The following KIF11 variants were observed in gnomAD, a reference collection of about 807,000 sequenced individuals.
KIF11 encodes kinesin-like protein KIF11.
A neutral mutation model predicts 121.0 loss-of-function variants in KIF11; 9 were observed. The observed-to-expected ratio is 0.07, with a 90% CI of 0.04 to 0.13. The LOEUF is 0.13. Ranked by LOEUF, KIF11 falls within the 10% of genes least tolerant of loss-of-function variation. KIF11 has a pLI of 1.00. For missense variants in KIF11, 846 were observed against 1,217.5 expected (o/e 0.69, Z 4.54); for synonymous variants, 408 against 421.0 (o/e 0.97, Z 0.38).
In KIF11 at chr10:92,655,281, A is replaced by G. The variant is rs904680963; in HGVS notation, c.*1485A>G. The G allele has an allele frequency of 6.6e-6, 1 of 152,252 alleles. No homozygotes were observed. The highest frequency in any genetic ancestry group is 6.5e-5 in the Admixed American group (1 of 15,286). 9.4% of individuals were successfully genotyped at this position (152,252 alleles called of 1,614,324 possible). On this transcript the variant is annotated 3_prime_UTR_variant, in exon 22 of 22. Transcript: ENST00000260731. ...AAATTGATCTCGTAGAATTATCTTAATAAAATAATGGCTATAATTTCTCTG... is the reference window on the plus strand; with the variant it reads ...AAATTGATCTCGTAGAATTATCTTAGTAAAATAATGGCTATAATTTCTCTG...
intron 19 of KIF11, 132 bp from the exon 20 acceptor site, chr10:92,649,703 A>G: frequency 3.3e-6 from 2 of 597,086 alleles, no homozygotes; most frequent in East Asian, 5.6e-5. Flanking sequence ...AGGTAGCAAG[A>G]CTGATCCTCA....
At chr10:92,633,885 A>G in intron 14 of KIF11, 90 bp downstream of exon 14, 1 of 841,744 alleles carries the variant, frequency 1.2e-6, no homozygotes, top group Non-Finnish European at 1.9e-6. Flanking sequence ...ATAAGTCTTT[A>G]TAAACAATGT....
intron 1 of KIF11, among the ~76,000 whole-genome samples, chr10:92,599,221 A>C (rs1158951364): frequency 6.6e-6 from 1 of 151,980 alleles, no homozygotes; most frequent in Non-Finnish European, 1.5e-5. Flanking sequence ...TTAGTGTATA[A>C]AAATGTAACT....
chr10:92,641,816 A>G (rs1487858063), intron 17 of KIF11, among the ~76,000 whole-genome samples: 3 of 152,154 alleles, frequency 2.0e-5, no homozygotes, highest in African/African-American at 7.2e-5. Context: ...CTCAGGAGAT[A>G]TGTAGAATAT....
At chr10:92,612,937 C>T in intron 6 of KIF11, 103 bp from the exon 7 acceptor site, 4 of 640,750 alleles carry the variant, frequency 6.2e-6, no homozygotes, top group South Asian at 2.1e-5. Context: ...TTATCTTTCT[C>T]TACTCATGTG....
At chr10:92,619,007 CTTATTTATTTAT>C (rs200204648) in intron 9 of KIF11, among the ~76,000 whole-genome samples, 1 of 151,130 alleles carries the variant, frequency 6.6e-6, no homozygotes, top group Non-Finnish European at 1.5e-5. Context: ...TTGAGATTGC[CTTATTTATTTAT>C]TTATTTATTT....
intron 16 of KIF11, 116 bp downstream of exon 16, chr10:92,637,661 AATACC>A: frequency 1.1e-6 from 1 of 944,540 alleles, no homozygotes; most frequent in Non-Finnish European, 1.6e-6. Flanking sequence ...GAAACCTGAA[AATACC>A]ATAGCCACTG....
chr10:92,602,823 CACGTGTGTGTGT>C (rs201146911), intron 1 of KIF11, among the ~76,000 whole-genome samples: 3,133 of 121,048 alleles, frequency 0.026, 47 homozygotes, highest in Admixed American at 0.065. Context: ...CACACACACA[CACGTGTGTGTGT>C]GTGTGTGTGT....
At chr10:92,600,350 T>G (rs1844355397) in intron 1 of KIF11, among the ~76,000 whole-genome samples, 1 of 152,142 alleles carries the variant, frequency 6.6e-6, no homozygotes, top group Non-Finnish European at 1.5e-5. Flanking sequence ...GGGGTACATG[T>G]GCATGATGTG....
chr10:92,621,611 T>TGTGTG, intron 10 of KIF11, 138 bp downstream of exon 10: 1 of 578,740 alleles, frequency 1.7e-6, no homozygotes, highest in Non-Finnish European at 3.1e-6. Context: ...TGTGTGTGTG[T>TGTGTG]TTTCTTTTGA....
intron 12 of KIF11, among the ~76,000 whole-genome samples, chr10:92,631,428 C>T (rs1394802104): frequency 6.8e-6 from 1 of 146,130 alleles, no homozygotes; most frequent in Non-Finnish European, 1.5e-5. Context: ...GTGGCGCAAT[C>T]TCGGCTCACT....
chr10:92,606,450 A>G (rs1844431896), intron 2 of KIF11, 53 bp downstream of exon 2: 3 of 1,447,028 alleles, frequency 2.1e-6, no homozygotes, highest in Non-Finnish European at 1.9e-6. Flanking sequence ...TAATTTTAAT[A>G]TACATATTTT....
At position 92,645,459 on chromosome 10, in the gene KIF11, A is replaced by C; in HGVS notation, c.2364A>C (p.Gln788His). The C allele has an allele frequency of 6.2e-7, 1 of 1,614,058 alleles. No individual in the cohort carries two copies. The highest frequency in any genetic ancestry group is 2.2e-5 in the East Asian group (1 of 44,872). Residue 788 changes from glutamine to histidine, a missense_variant, in exon 18 of 22, where the codon CAA (glutamine) becomes CAC (histidine). Physicochemically the swap from Gln to His is conservative, Grantham distance 24. Transcript: ENST00000260731. Reference protein sequence around the residue: ...GFSQELRNFNQEGTKLVEESV... With the variant: ...GFSQELRNFNHEGTKLVEESV... ...CACAGGAACTCAGAAATTTTAACCA[A>C]GAAGGTACAAAATTGGTTGAAGAAT...
chr10:92,617,104 A>G (rs768185423), intron 9 of KIF11, among the ~76,000 whole-genome samples: 23 of 152,228 alleles, frequency 1.5e-4, no homozygotes, highest in Non-Finnish European at 2.6e-4. Flanking sequence ...TTTTTGAGGT[A>G]TAATTTACAT....
chr10:92,631,763 C>T (rs1420782423), intron 12 of KIF11, among the ~76,000 whole-genome samples: 1 of 151,800 alleles, frequency 6.6e-6, no homozygotes, highest in Non-Finnish European at 1.5e-5. Flanking sequence ...GTAACCTTTG[C>T]CTCCCGGGTT....
Position 92,616,826 on chromosome 10 carries a change from T to G in KIF11, c.1122T>G (p.Leu374=). 2 of 1,563,086 alleles carry G rather than the reference T, an allele frequency of 1.3e-6. No homozygotes were observed. The highest frequency in any genetic ancestry group is 1.8e-6 in the Non-Finnish European group (2 of 1,141,968). Residue 374 remains leucine (L), a synonymous_variant, in exon 9 of 22, where the codon CTT becomes CTG. Transcript: ENST00000260731. ...ATCAGAAACTCACCAAAAAAGCTCT[T>G]ATTAAGGTAACTGTGAATTTTTGTA... is the stretch of plus-strand genomic sequence containing the variant. ...EVNQKLTKKA[L]IKEYTEEIER...
intron 10 of KIF11, among the ~76,000 whole-genome samples, chr10:92,622,064 T>C (rs182568230): frequency 2.2e-4 from 33 of 151,822 alleles, no homozygotes; most frequent in African/African-American, 7.5e-4. Flanking sequence ...TCACGTGAGG[T>C]TGGGAGTTTG....
At position 92,601,231 on chromosome 10, in the gene KIF11, C is replaced by T. The variant is rs555080476; in HGVS notation, c.78-5034C>T. On this transcript the variant is annotated intron_variant, in intron 1 of 21. Transcript: ENST00000260731. ...TCCTTTTTTTTTTGAGATGGAGTCT[C>T]GCTCTGTTGCCCAGGCTGGAATGCA... Among the ~76,000 whole-genome samples the T allele has an allele frequency of 3.8e-4, 58 of 151,364 alleles. 1 individual carries two copies. The South Asian group carries it at 5.6e-3, about 15-fold the overall frequency.
chr10:92,600,295 A>C (rs1238255861), intron 1 of KIF11, among the ~76,000 whole-genome samples: 2 of 151,848 alleles, frequency 1.3e-5, no homozygotes, highest in African/African-American at 4.8e-5. Context: ...GAGCCACTGC[A>C]CTTGGCCTTA....
Sources: allele counts gnomAD v4.1 joint callset (sites outside exome capture counted in the v4.1 genomes callset), GRCh38; gene constraint gnomAD v4.1.1; transcripts MANE v1.5; gene names NCBI Gene and HGNC (gene_info 2026-07-23, HGNC 2026-07-21).